DOCK9: variants seen among roughly 807,000 people sequenced by gnomAD.
DOCK9 encodes dedicator of cytokinesis protein 9.
Under a neutral mutation model 263.3 loss-of-function variants are expected in DOCK9, and 89 were observed. The ratio of observed to expected loss-of-function variants is 0.34; its 90% CI spans 0.28 to 0.40. The LOEUF (loss-of-function observed/expected upper bound fraction) is 0.40, where lower values mean the gene tolerates loss of function less well. Ranked by LOEUF, DOCK9 falls within the 10% of genes least tolerant of loss-of-function variation. The pLI, the probability that DOCK9 is intolerant of heterozygous loss-of-function variation, is 1.00. For missense variants in DOCK9, 2,140 were observed against 2,603.4 expected, an observed-to-expected ratio of 0.82 and a Z score of 3.87; for synonymous variants, 976 against 973.1, an observed-to-expected ratio of 1.00 and a Z score of -0.06.
intron 45 of DOCK9, chr13:98,820,809 A>C (rs1458971211): frequency 4.2e-6 from 1 of 235,876 alleles, no homozygotes; most frequent in African/African-American, 2.4e-5. Context: ...CCTTAACCAT[A>C]AACATCTAGA....
chr13:98,855,486 C>T (rs1341579549), intron 34 of DOCK9, among the ~76,000 whole-genome samples: 2 of 152,068 alleles, frequency 1.3e-5, no homozygotes, highest in Non-Finnish European at 1.5e-5. Context: ...GCAGAGGAGT[C>T]GTTTGAACCC....
At chr13:98,831,589 T>C in intron 40 of DOCK9, 59 bp from the exon 41 acceptor site, 1 of 1,598,396 alleles carries the variant, frequency 6.3e-7, no homozygotes, top group East Asian at 2.2e-5. Flanking sequence ...CTCGGTAATG[T>C]ACCCTTCAAT....
chr13:98,902,756 CTCTG>C (rs2048483480), intron 11 of DOCK9, among the ~76,000 whole-genome samples: 1 of 152,160 alleles, frequency 6.6e-6, no homozygotes, highest in East Asian at 1.9e-4. Flanking sequence ...CTAAGATGAA[CTCTG>C]TCTCCTGGAA....
chr13:98,942,905 T>C (rs1321523501), intron 2 of DOCK9, among the ~76,000 whole-genome samples: 2 of 152,194 alleles, frequency 1.3e-5, no homozygotes, highest in African/African-American at 4.8e-5. Flanking sequence ...TATGGTAAAA[T>C]ACAGCATTAT....
chr13:99,050,421 G>A (rs191169024), intron 1 of DOCK9, among the ~76,000 whole-genome samples: 11 of 152,298 alleles, frequency 7.2e-5, no homozygotes, highest in East Asian at 3.9e-4. Context: ...ATGACCGGGC[G>A]CAGTGGCTCA....
chr13:98,816,430 A>G (rs2091856937), intron 45 of DOCK9, among the ~76,000 whole-genome samples: 1 of 152,146 alleles, frequency 6.6e-6, no homozygotes, highest in Non-Finnish European at 1.5e-5. Flanking sequence ...ACTTGCGAGC[A>G]ACGGGTACTG....
intron 1 of DOCK9, among the ~76,000 whole-genome samples, chr13:99,070,122 A>G (rs1271184432): frequency 1.3e-5 from 2 of 151,772 alleles, no homozygotes; most frequent in East Asian, 3.9e-4. Context: ...TTAACTGTTG[A>G]CAATATTTTT....
intron 1 of DOCK9, among the ~76,000 whole-genome samples, chr13:99,085,711 C>T (rs2042302028): frequency 6.6e-6 from 1 of 152,086 alleles, no homozygotes; most frequent in Non-Finnish European, 1.5e-5. Flanking sequence ...TGCCGAAGTC[C>T]TTCCCTCCTG....
intron 1 of DOCK9, among the ~76,000 whole-genome samples, chr13:99,060,231 A>G (rs9517578): frequency 0.31 from 46,402 of 150,578 alleles, 7,450 homozygotes; most frequent in East Asian, 0.44. Context: ...CCGTCACCGC[A>G]CCCAGCTAAA....
chr13:99,059,141 G>A (rs7319192), intron 1 of DOCK9, among the ~76,000 whole-genome samples: 16,510 of 152,098 alleles, frequency 0.11, 1,091 homozygotes, highest in South Asian at 0.19. Context: ...GCTTCAAGGC[G>A]GGCCATGGTA....
chr13:98,938,980 G>A (rs553987771), intron 2 of DOCK9, among the ~76,000 whole-genome samples: 1 of 152,330 alleles, frequency 6.6e-6, no homozygotes, highest in African/African-American at 2.4e-5. Context: ...GCTCAAAGGT[G>A]CAGAGAGCTG....
intron 15 of DOCK9, among the ~76,000 whole-genome samples, chr13:98,889,012 C>T (rs1451863325): frequency 2.6e-5 from 4 of 152,198 alleles, no homozygotes; most frequent in African/African-American, 9.7e-5. Flanking sequence ...CATCTCAATT[C>T]AGACGTCCTG....
chr13:99,071,305 G>GTTTTTTTTTTTTTTTTTTTTTTTTTTTTT (rs1566387440), intron 1 of DOCK9, among the ~76,000 whole-genome samples: 1 of 70,930 alleles, frequency 1.4e-5, no homozygotes, highest in African/African-American at 6.6e-5. Context: ...ACCATGCCTG[G>GTTTTTTTTTTTTTTTTTTTTTTTTTTTTT]CTTTTTTTTT....
intron 1 of DOCK9, among the ~76,000 whole-genome samples, chr13:99,033,601 T>C (rs1249570655): frequency 1.3e-5 from 2 of 152,168 alleles, no homozygotes; most frequent in Admixed American, 1.3e-4. Flanking sequence ...GCGCAGGTGG[T>C]CTAAAGGGAT....
At chr13:98,941,867 G>A (rs1157945277) in intron 2 of DOCK9, among the ~76,000 whole-genome samples, 2 of 152,230 alleles carry the variant, frequency 1.3e-5, no homozygotes, top group South Asian at 2.1e-4. Context: ...AGCAATGGAA[G>A]GGCAGTAGCA....
chr13:99,078,686 C>T (rs1316361495), intron 1 of DOCK9, among the ~76,000 whole-genome samples: 1 of 152,190 alleles, frequency 6.6e-6, no homozygotes, highest in Non-Finnish European at 1.5e-5. Context: ...CCACCACTTG[C>T]TAAGTTCTGA....
In DOCK9 at chr13:98,860,102, C is replaced by T. The variant is rs2093817530; in HGVS notation, c.3697+303G>A. Reference sequence around the variant, plus strand: ...CACCACCTGCAAAAATATCCCTTAACAGTATACACAATCCAATTAAGATTT... The same window carrying T: ...CACCACCTGCAAAAATATCCCTTAATAGTATACACAATCCAATTAAGATTT... On this transcript the variant is annotated intron_variant, in intron 33 of 52. Transcript: ENST00000682017. 3.1e-6 allele frequency: 3 copies of T among 970,930 alleles called. No homozygotes were observed. In the Admixed American group the frequency reaches 1.2e-4, roughly 38 times the overall value. 60.1% of individuals were successfully genotyped at this position (970,930 alleles called of 1,614,324 possible). A position where few individuals can be genotyped will look rare whatever the true frequency, so the allele number is the denominator to read the frequency against.
At chr13:98,868,482 A>G (rs2094104351) in intron 27 of DOCK9, 105 bp from the exon 28 acceptor site, 17 of 1,302,706 alleles carry the variant, frequency 1.3e-5, no homozygotes, top group Non-Finnish European at 1.7e-5. Flanking sequence ...CAGAGTTTCT[A>G]GCTGGGTGCT....
At chr13:98,910,774 G>A (rs1046458152) in intron 9 of DOCK9, among the ~76,000 whole-genome samples, 9 of 152,064 alleles carry the variant, frequency 5.9e-5, no homozygotes, top group Non-Finnish European at 7.4e-5. Context: ...CAGCCTCCCA[G>A]CCTGACCCTT....
Sources: allele counts gnomAD v4.1 joint callset (sites outside exome capture counted in the v4.1 genomes callset), GRCh38; gene constraint gnomAD v4.1.1; transcripts MANE v1.5; gene names NCBI Gene and HGNC (gene_info 2026-07-23, HGNC 2026-07-21).